The following ODAD4 variants were observed in gnomAD, a reference collection of about 807,000 sequenced individuals.
ODAD4 encodes the protein outer dynein arm docking complex subunit 4.
In ODAD4, 49 loss-of-function variants were observed where a neutral mutation model predicts 51.8. That is an observed-to-expected ratio of 0.95 (90% CI 0.75 to 1.20). The LOEUF (loss-of-function observed/expected upper bound fraction) is 1.20, where lower values mean the gene tolerates loss of function less well. ODAD4 is among the 50% of genes most tolerant of loss of function. The pLI, the probability that ODAD4 is intolerant of heterozygous loss-of-function variation, is 0.00. For missense variants in ODAD4, 590 were observed against 586.5 expected (o/e 1.01, Z -0.06); for synonymous variants, 235 against 221.3 (o/e 1.06, Z -0.55).
In ODAD4 at chr17:41,936,466, C is replaced by T; in HGVS notation, c.398-7C>T. ...GCCGACCTGAGCTCCAGCTTCTTTC[C>T]TTGCAGGTCCTTCTTCCATTAAGCT... On this transcript the variant is annotated splice_polypyrimidine_tract_variant and splice_region_variant and intron_variant, in intron 3 of 11. Transcript: ENST00000377540. The T allele has an allele frequency of 1.9e-6, 3 of 1,611,664 alleles. No individual in the cohort carries two copies. The highest frequency in any genetic ancestry group is 2.5e-6 in the Non-Finnish European group (3 of 1,178,468).
chr17:41,961,410 T>G lies in ODAD4; in HGVS notation c.1472T>G (p.Ile491Ser). The G allele has an allele frequency of 1.3e-6, 1 of 746,724 alleles. No individual in the cohort carries two copies. 46.3% of individuals were successfully genotyped at this position (746,724 alleles called of 1,614,324 possible). A position where few individuals can be genotyped will look rare whatever the true frequency, so the allele number is the denominator to read the frequency against. Residue 491 changes from isoleucine (I) to serine (S), a missense_variant, in exon 11 of 12, where the codon ATC (isoleucine) becomes AGC (serine). Transcript: ENST00000377540. ...SALDDANKGI[I>S]RELRKTNYVE... is the part of the protein sequence containing the mutation. ...TTGGACGATGCCAACAAGGGTATCA[T>G]CAGAGAACTGAGGAAAACCAACTAC...
intron 9 of ODAD4, among the ~76,000 whole-genome samples, chr17:41,949,702 C>T (rs959126869): frequency 1.3e-5 from 2 of 152,010 alleles, no homozygotes; most frequent in Non-Finnish European, 2.9e-5. Context: ...GACAGAGTTT[C>T]GCTTTTGTTG....
Position 41,955,217 on chromosome 17 carries a change from T to C in ODAD4, c.1343T>C (p.Val448Ala). ...TGTGCCTTCTCCCCTTGCTCTCCAG[T>C]GAAGCTGAGAGACTTCGAGTCAGCC... Reference protein sequence around the residue: ...NASVLVAQAQVKLRDFESAVN... With the variant: ...NASVLVAQAQAKLRDFESAVN... Residue 448 changes from valine to alanine, a missense_variant and splice_region_variant, in exon 10 of 12, where the codon GTG becomes GCG. Physicochemically the swap from Val to Ala is moderately conservative, Grantham distance 64. Transcript: ENST00000377540. 1.3e-6 allele frequency: 1 copy of C among 776,560 alleles called. No homozygotes were observed. The highest frequency in any genetic ancestry group is 2.4e-6 in the Non-Finnish European group (1 of 416,026). The allele number at this position is 776,560 out of a possible 1,614,324, so 48.1% of individuals were successfully genotyped here.
intron 9 of ODAD4, among the ~76,000 whole-genome samples, chr17:41,953,653 TTATATA>T (rs139916074): frequency 4.7e-5 from 7 of 148,722 alleles, no homozygotes; most frequent in African/African-American, 1.7e-4. Context: ...ATTAATTTAA[TTATATA>T]TATATATATA....
chr17:41,956,720 GC>G (rs2050739444), intron 10 of ODAD4, among the ~76,000 whole-genome samples: 2 of 151,904 alleles, frequency 1.3e-5, no homozygotes, highest in Non-Finnish European at 2.9e-5. Context: ...CTGCACTCCA[GC>G]CTGGGTGACA....
At chr17:41,953,865 C>G (rs919852865) in intron 9 of ODAD4, among the ~76,000 whole-genome samples, 1 of 151,560 alleles carries the variant, frequency 6.6e-6, no homozygotes. Flanking sequence ...TCGGGTCTCA[C>G]TATGTTGCCC....
In ODAD4 at chr17:41,935,364, G is replaced by A; in HGVS notation, c.246+16G>A. The A allele has an allele frequency of 3.7e-6, 6 of 1,612,578 alleles. No individual in the cohort carries two copies. The highest frequency in any genetic ancestry group is 5.1e-6 in the Non-Finnish European group (6 of 1,179,268). ...TTTCTGTAAGGTGACTGCATGGGCG[G>A]GAGGACTGGATCCTGCCATTGCCTG... On this transcript the variant is annotated intron_variant, in intron 2 of 11. Transcript: ENST00000377540.
At chr17:41,939,531 C>T (rs1345524420) in intron 7 of ODAD4, among the ~76,000 whole-genome samples, 3 of 152,176 alleles carry the variant, frequency 2.0e-5, no homozygotes, top group Non-Finnish European at 4.4e-5. Flanking sequence ...GGGCCATTTC[C>T]CTGCAGATGT....
chr17:41,943,965 C>T (rs1430911624), intron 7 of ODAD4, among the ~76,000 whole-genome samples: 1 of 151,902 alleles, frequency 6.6e-6, no homozygotes, highest in Admixed American at 6.6e-5. Flanking sequence ...GTTGGGAGGC[C>T]GAGGCGGGTG....
chr17:41,955,807 TTTTATTTA>T (rs1269030882), intron 10 of ODAD4, among the ~76,000 whole-genome samples: 1 of 151,998 alleles, frequency 6.6e-6, no homozygotes, highest in African/African-American at 2.4e-5. Flanking sequence ...GTTTTCTTAT[TTTTATTTA>T]TTTATTTATT....
At chr17:41,952,332 C>T (rs2050665253) in intron 9 of ODAD4, among the ~76,000 whole-genome samples, 1 of 143,786 alleles carries the variant, frequency 7.0e-6, no homozygotes. Context: ...CGTGCCACTG[C>T]ACTCCAGTCC....
At chr17:41,945,361 A>T in intron 8 of ODAD4, 139 bp downstream of exon 8, 1 of 656,776 alleles carries the variant, frequency 1.5e-6, no homozygotes, top group Non-Finnish European at 2.6e-6. Flanking sequence ...AAAAAAAAAA[A>T]ATTAGCCGCG....
At chr17:41,962,834 A>C (rs566250233) in intron 11 of ODAD4, among the ~76,000 whole-genome samples, 1 of 152,236 alleles carries the variant, frequency 6.6e-6, no homozygotes, top group Non-Finnish European at 1.5e-5. Context: ...ACAGAGCCCA[A>C]TGCAGATTCT....
Position 41,957,298 on chromosome 17 carries a change from G to A in ODAD4, c.1443+1981G>A, listed in dbSNP as rs181740358. Among the ~76,000 whole-genome samples the A allele has an allele frequency of 2.6e-5, 4 of 152,178 alleles. No homozygotes were observed. In the East Asian group the frequency reaches 5.8e-4, roughly 22 times the overall value. Reference sequence around the variant, plus strand: ...GACCGGTGGTGGGGGAAATGGTTTCGGGATGAAACTGTTCCACCTCAGATC... The same window carrying A: ...GACCGGTGGTGGGGGAAATGGTTTCAGGATGAAACTGTTCCACCTCAGATC... On this transcript the variant is annotated intron_variant, in intron 10 of 11. Transcript: ENST00000377540.
Position 41,941,395 on chromosome 17 carries a change from A to G in ODAD4, c.1058+2223A>G, listed in dbSNP as rs183596011. ...CTGTGCATATCCTCCAGCCCCAGGA[A>G]TGCTTTCCCTTTTCCCAGCACTTGC... On this transcript the variant is annotated intron_variant, in intron 7 of 11. Transcript: ENST00000377540. Among the ~76,000 whole-genome samples the G allele has an allele frequency of 2.0e-5, 3 of 152,298 alleles. No homozygotes were observed. In the East Asian group the frequency reaches 5.8e-4, roughly 29 times the overall value.
chr17:41,938,884 T>C, intron 6 of ODAD4, 81 bp from the exon 7 acceptor site: 2 of 1,551,932 alleles, frequency 1.3e-6, no homozygotes, highest in Non-Finnish European at 8.8e-7. Context: ...GACCTGCAGA[T>C]GGTGTCTGCA....
At chr17:41,956,839 T>C (rs2050741031) in intron 10 of ODAD4, among the ~76,000 whole-genome samples, 1 of 152,230 alleles carries the variant, frequency 6.6e-6, no homozygotes, top group African/African-American at 2.4e-5. Context: ...TGCCTTGACC[T>C]GCCAAAGTGC....
intron 11 of ODAD4, among the ~76,000 whole-genome samples, chr17:41,962,778 C>G (rs1555641942): frequency 6.6e-6 from 1 of 152,214 alleles, no homozygotes; most frequent in African/African-American, 2.4e-5. Context: ...AGCTCTCACT[C>G]CAGCCAGACT....
At chr17:41,952,988 C>T (rs144993385) in intron 9 of ODAD4, among the ~76,000 whole-genome samples, 113 of 152,158 alleles carry the variant, frequency 7.4e-4, no homozygotes, top group African/African-American at 2.2e-3. Context: ...GCTCCCACCT[C>T]GGCCTCCCAA....
Sources: allele counts gnomAD v4.1 joint callset (sites outside exome capture counted in the v4.1 genomes callset), GRCh38; gene constraint gnomAD v4.1.1; transcripts MANE v1.5; gene names NCBI Gene and HGNC (gene_info 2026-07-23, HGNC 2026-07-21).